The following MARK1 variants were observed in gnomAD, a reference collection of about 807,000 sequenced individuals.
MARK1 encodes microtubule affinity regulating kinase 1.
A neutral mutation model predicts 96.3 loss-of-function variants in MARK1; 40 were observed. The ratio of observed to expected loss-of-function variants is 0.42; its 90% CI spans 0.32 to 0.54. The LOEUF (loss-of-function observed/expected upper bound fraction) is 0.54, where lower values mean the gene tolerates loss of function less well. MARK1 is among the 20% of genes least tolerant of loss of function. The pLI, the probability that MARK1 is intolerant of heterozygous loss-of-function variation, is 0.16. For synonymous variants in MARK1, 317 were observed against 341.2 expected, an observed-to-expected ratio of 0.93 and a Z score of 0.78; for missense variants, 719 against 984.6, an observed-to-expected ratio of 0.73 and a Z score of 3.61.
intron 6 of MARK1, among the ~76,000 whole-genome samples, chr1:220,608,182 C>T (rs1666204213): frequency 6.6e-6 from 1 of 152,134 alleles, no homozygotes; most frequent in Admixed American, 6.5e-5. Context: ...TCCATCTGGT[C>T]CCGGACTTTT....
At chr1:220,635,578 ATT>A (rs1478435385) in intron 12 of MARK1, 49 bp downstream of exon 12, 2 of 1,578,792 alleles carry the variant, frequency 1.3e-6, no homozygotes, top group South Asian at 1.2e-5. Context: ...TTCTTCCCAA[ATT>A]TGTGTTTTTA....
At chr1:220,579,662 AT>A in intron 2 of MARK1, 105 bp downstream of exon 2, 1 of 834,530 alleles carries the variant, frequency 1.2e-6, no homozygotes, top group South Asian at 1.6e-5. Flanking sequence ...TTTCAATATG[AT>A]TAACACTGGG....
chr1:220,564,379 A>T (rs1381475936), intron 1 of MARK1, among the ~76,000 whole-genome samples: 2 of 152,202 alleles, frequency 1.3e-5, no homozygotes, highest in Non-Finnish European at 2.9e-5. Flanking sequence ...TGAGCTGAGT[A>T]TCTGGTACAA....
Position 220,618,794 on chromosome 1 carries a change from A to G in MARK1, c.909+39A>G, listed in dbSNP as rs1666894558. ...TGTACTCCAAATTTAAATTTTAACAATTAAAATATTCCAGGAACCGAAGAG... is the reference window on the plus strand; with the variant it reads ...TGTACTCCAAATTTAAATTTTAACAGTTAAAATATTCCAGGAACCGAAGAG... On this transcript the variant is annotated intron_variant, in intron 9 of 17. Transcript: ENST00000366917. This position sits in a 1 kb window ranked among gnomAD's most constrained non-coding sequence, Gnocchi z 4.6. The G allele has an allele frequency of 6.6e-7, 1 of 1,519,144 alleles. No homozygotes were observed. Among genetic ancestry groups the G allele is most frequent in the African/African-American group, 1.4e-5 (1 of 70,722 alleles). The allele number at this position is 1,519,144 out of a possible 1,614,324, so 94.1% of individuals were successfully genotyped here. A position where few individuals can be genotyped will look rare whatever the true frequency, so the allele number is the denominator to read the frequency against.
At chr1:220,573,947 A>G (rs890944719) in intron 1 of MARK1, among the ~76,000 whole-genome samples, 1 of 151,904 alleles carries the variant, frequency 6.6e-6, no homozygotes, top group African/African-American at 2.4e-5. Context: ...TTTCCCATAT[A>G]CTTGTTCTTT....
intron 17 of MARK1, among the ~76,000 whole-genome samples, chr1:220,660,338 C>G (rs1205630722): frequency 6.6e-6 from 1 of 152,154 alleles, no homozygotes; most frequent in Non-Finnish European, 1.5e-5. Context: ...TTTATTTTCT[C>G]TACGTATTCC....
chr1:220,543,117 C>G (rs1316703384), intron 1 of MARK1, among the ~76,000 whole-genome samples: 2 of 152,126 alleles, frequency 1.3e-5, no homozygotes, highest in Non-Finnish European at 2.9e-5. Flanking sequence ...TCTAACAGAA[C>G]TTTTGCATAA....
intron 3 of MARK1, among the ~76,000 whole-genome samples, chr1:220,587,675 C>G (rs1431683016): frequency 6.6e-6 from 1 of 152,000 alleles, no homozygotes; most frequent in African/African-American, 2.4e-5. Context: ...CAGCCTTGTT[C>G]ATTTATTTTT....
At chr1:220,533,342 A>G (rs1244589185) in intron 1 of MARK1, among the ~76,000 whole-genome samples, 1 of 151,926 alleles carries the variant, frequency 6.6e-6, no homozygotes, top group East Asian at 1.9e-4. Flanking sequence ...TTGTCACTTC[A>G]CTTCTGACCT....
intron 1 of MARK1, among the ~76,000 whole-genome samples, chr1:220,564,381 C>T (rs1222100783): frequency 1.3e-5 from 2 of 152,138 alleles, no homozygotes; most frequent in Non-Finnish European, 2.9e-5. Context: ...AGCTGAGTAT[C>T]TGGTACAAAG....
At chr1:220,551,828 C>T (rs1661883286) in intron 1 of MARK1, among the ~76,000 whole-genome samples, 1 of 152,134 alleles carries the variant, frequency 6.6e-6, no homozygotes, top group Non-Finnish European at 1.5e-5. Context: ...TTTATAATTA[C>T]CTCCTTCAAC....
Position 220,653,106 on chromosome 1 carries a change from C to T in MARK1, c.1742C>T (p.Thr581Ile), listed in dbSNP as rs369587695. ...DGSEAYRPGTTQRVPAASPSA... is the reference protein window; with the variant it reads ...DGSEAYRPGTIQRVPAASPSA... ...ATCTTAATTTGTCCCAGCAGTACAA[C>T]CCAGAGAGTGCCTGCTGCTTCCCCA... Residue 581 changes from threonine to isoleucine, a missense_variant, in exon 16 of 18, where the codon ACC becomes ATC. By Grantham distance (89) the Thr-to-Ile change is moderately conservative. Transcript: ENST00000366917. 5.0e-6 allele frequency: 8 copies of T among 1,614,052 alleles called. No homozygotes were observed. The highest frequency in any genetic ancestry group is 5.9e-6 in the Non-Finnish European group (7 of 1,180,036).
At chr1:220,597,592 A>G (rs945776604) in intron 3 of MARK1, among the ~76,000 whole-genome samples, 1 of 152,202 alleles carries the variant, frequency 6.6e-6, no homozygotes, top group African/African-American at 2.4e-5. Context: ...TAAAATGCAT[A>G]TGTCTTAATA....
In MARK1 at chr1:220,598,386, A is replaced by AATATATATATATTATATAT. The variant is rs1553326375; in HGVS notation, c.358+20_358+38dup. 2.9e-6 allele frequency: 1 copy of AATATATATATATTATATAT among 339,038 alleles called. No individual in the cohort carries two copies. 21.0% of individuals were successfully genotyped at this position (339,038 alleles called of 1,614,324 possible). On this transcript the variant is annotated splice_region_variant and intron_variant, in intron 4 of 17. Transcript: ENST00000366917. ...CTGAATCATCCTAATATAGGTATGA[A>AATATATATATATTATATAT]ATATATATATATTATATATATATAT...
chr1:220,590,407 G>A (rs937349130), intron 3 of MARK1, among the ~76,000 whole-genome samples: 1 of 152,112 alleles, frequency 6.6e-6, no homozygotes, highest in African/African-American at 2.4e-5. Context: ...TTTCTCCTGA[G>A]TTCTCTCTCC....
chr1:220,530,516 G>A (rs895603329), intron 1 of MARK1, among the ~76,000 whole-genome samples: 1 of 152,058 alleles, frequency 6.6e-6, no homozygotes, highest in Non-Finnish European at 1.5e-5. Flanking sequence ...TAACCCAGGA[G>A]GAGTGGAAAA....
chr1:220,627,311 TCAAAAAAGC>T, intron 9 of MARK1: 1 of 503,624 alleles, frequency 2.0e-6, no homozygotes, highest in Non-Finnish European at 4.1e-6. Context: ...TCTTCCAACT[TCAAAAAAGC>T]CAAGAGAGTC....
At chr1:220,626,479 G>A (rs1667342038) in intron 9 of MARK1, 1 of 536,382 alleles carries the variant, frequency 1.9e-6, no homozygotes, top group South Asian at 1.4e-5. Context: ...CTTACAGTGT[G>A]GCTCAGACTC....
chr1:220,623,466 C>T (rs1667153437), intron 9 of MARK1, among the ~76,000 whole-genome samples: 1 of 152,194 alleles, frequency 6.6e-6, no homozygotes, highest in Non-Finnish European at 1.5e-5. Context: ...TTCTTTCCAA[C>T]CTTTATCTTC....
Sources: allele counts gnomAD v4.1 joint callset (sites outside exome capture counted in the v4.1 genomes callset), GRCh38; gene constraint gnomAD v4.1.1; non-coding constraint Gnocchi (gnomAD v3.1); transcripts MANE v1.5; gene names NCBI Gene and HGNC (gene_info 2026-07-23, HGNC 2026-07-21).